The following PCDHGC4 variants were observed in gnomAD, a reference collection of about 807,000 sequenced individuals.
PCDHGC4 encodes protocadherin gamma-C4.
PCDHGC4 carries 15 observed loss-of-function variants against 59.7 expected under a neutral mutation model. That is an observed-to-expected ratio of 0.25 (90% confidence interval 0.17 to 0.39). PCDHGC4 has a LOEUF of 0.39. PCDHGC4 is among the 10% of genes least tolerant of loss of function. The probability of loss-of-function intolerance (pLI) is 1.00; values close to 1 mark genes in which losing one functional copy is unlikely to be tolerated. For missense variants in PCDHGC4, 1,016 were observed against 1,189.5 expected, an observed-to-expected ratio of 0.85 and a Z score of 2.15; for synonymous variants, 434 against 481.4, an observed-to-expected ratio of 0.90 and a Z score of 1.29.
At chr5:141,488,213 C>T (rs1261280988) in intron 1 of PCDHGC4, among the ~76,000 whole-genome samples, 1 of 152,118 alleles carries the variant, frequency 6.6e-6, no homozygotes, top group Non-Finnish European at 1.5e-5. Context: ...CATATCAAGT[C>T]CCTACTGGGG....
Position 141,490,909 on chromosome 5 carries a change from G to C in PCDHGC4, c.2442+3294G>C. ...ATCTCTGCATGTGTTTGTCCTAGAC[G>C]AGAATGATAATGCCCCAGCTGTGCT... On this transcript the variant is annotated intron_variant, in intron 1 of 3. Coordinates refer to ENST00000306593, the MANE Select transcript of PCDHGC4 (RefSeq NM_018928.3). This position sits in a 1 kb window ranked among gnomAD's most constrained non-coding sequence, Gnocchi z 5.4. 1 of 1,613,744 alleles carries C rather than the reference G, an allele frequency of 6.2e-7. No individual in the cohort carries two copies. The highest frequency in any genetic ancestry group is 2.2e-5 in the East Asian group (1 of 44,870).
chr5:141,485,654 G>A lies in PCDHGC4; in HGVS notation c.481G>A (p.Asp161Asn), dbSNP rs2099617203. 6.2e-7 allele frequency: 1 copy of A among 1,612,482 alleles called. No individual in the cohort carries two copies. The highest frequency in any genetic ancestry group is 8.5e-7 in the Non-Finnish European group (1 of 1,178,842). Residue 161 changes from aspartate (D) to asparagine (N), a missense_variant, in exon 1 of 4, where the codon GAT (aspartate) becomes AAT (asparagine). Coordinates refer to ENST00000306593, the MANE Select transcript of PCDHGC4 (RefSeq NM_018928.3). The surrounding 1 kb of genome is among the most constrained non-coding windows in gnomAD (Gnocchi z 5.7). ...CCCGTTGGAAAAGGCTCAGGATGCA[G>A]ATGTGGGGAGCAATTCGATTAGCAG... is the stretch of plus-strand genomic sequence containing the variant. Reference protein sequence around the residue: ...RFPLEKAQDADVGSNSISSYR... With the variant: ...RFPLEKAQDANVGSNSISSYR...
rs768135284 is a variant in PCDHGC4, at chr5:141,489,277, T to C, written c.2442+1662T>C. ...GACACTCCCACAGCTCGCTGGGAAA[T>C]GGCAAGTGCTGTGCATGTTGTCCTT... On this transcript the variant is annotated intron_variant, in intron 1 of 3. Transcript: ENST00000306593. This position sits in a 1 kb window ranked among gnomAD's most constrained non-coding sequence, Gnocchi z 4.5. 7.1e-6 allele frequency: 11 copies of C among 1,556,078 alleles called. No individual in the cohort carries two copies. Among genetic ancestry groups the C allele is most frequent in the South Asian group, 3.7e-5 (3 of 80,348 alleles).
At chr5:141,488,331 T>C (rs535498873) in intron 1 of PCDHGC4, among the ~76,000 whole-genome samples, 22 of 152,218 alleles carry the variant, frequency 1.4e-4, no homozygotes, top group Non-Finnish European at 3.1e-4. Context: ...TACAGTTGGC[T>C]GATTCATAGA....
Position 141,489,492 on chromosome 5 carries a change from G to C in PCDHGC4, c.2442+1877G>C. On this transcript the variant is annotated intron_variant, in intron 1 of 3. Coordinates refer to ENST00000306593, the MANE Select transcript of PCDHGC4 (RefSeq NM_018928.3). This position sits in a 1 kb window ranked among gnomAD's most constrained non-coding sequence, Gnocchi z 4.5. The stretch of plus-strand genomic sequence containing the variant: ...CCCTGAGCTTGATGAGTGGTGCCCT[G>C]GCAGTGAATCAAAAGATTGACCGAG... The C allele has an allele frequency of 6.2e-7, 1 of 1,614,042 alleles. No homozygotes were observed. The highest frequency in any genetic ancestry group is 8.5e-7 in the Non-Finnish European group (1 of 1,180,034).
Position 141,511,350 on chromosome 5 carries a change from C to G in PCDHGC4, c.*177C>G, listed in dbSNP as rs1303365585. 4.3e-6 allele frequency: 6 copies of G among 1,397,194 alleles called. No homozygotes were observed. Among genetic ancestry groups the G allele is most frequent in the East Asian group, 2.5e-5 (1 of 39,862 alleles). The allele number at this position is 1,397,194 out of a possible 1,614,324, so 86.5% of individuals were successfully genotyped here. On this transcript the variant is annotated 3_prime_UTR_variant, in exon 4 of 4. Transcript: ENST00000306593. ...CCCAGTCAGCACCTACCCCTTCCCC[C>G]CCAGGGGGTTGAATATGCAAAAGCA...
Position 141,485,210 on chromosome 5 carries a change from C to G in PCDHGC4, c.37C>G (p.Arg13Gly). 2 of 1,614,058 alleles carry G rather than the reference C, an allele frequency of 1.2e-6. No individual in the cohort carries two copies. The highest frequency in any genetic ancestry group is 1.7e-6 in the Non-Finnish European group (2 of 1,179,934). Residue 13 changes from arginine (R) to glycine (G), a missense_variant, in exon 1 of 4, where the codon CGG becomes GGG. By Grantham distance (125) the Arg-to-Gly change is moderately radical. Transcript: ENST00000306593. The surrounding 1 kb of genome is among the most constrained non-coding windows in gnomAD (Gnocchi z 5.7). ...RKVRSWTEIWRWATLLFLFYH... is the reference protein window; with the variant it reads ...RKVRSWTEIWGWATLLFLFYH... ...GGTGAGAAGCTGGACAGAAATCTGG[C>G]GGTGGGCTACCCTTTTGTTCCTCTT...
In PCDHGC4 at chr5:141,493,511, T is replaced by G. The variant is rs1203329648; in HGVS notation, c.2443-1296T>G. Among the ~76,000 whole-genome samples the G allele has an allele frequency of 6.6e-6, 1 of 152,094 alleles. No individual in the cohort carries two copies. Reference sequence around the variant, plus strand: ...TCTGTGGCTCCTCATTTCTGAGCAGTCCCCGCAGCGCAAACTTGGCCAGTT... The same window carrying G: ...TCTGTGGCTCCTCATTTCTGAGCAGGCCCCGCAGCGCAAACTTGGCCAGTT... On this transcript the variant is annotated intron_variant, in intron 1 of 3. Coordinates refer to ENST00000306593, the MANE Select transcript of PCDHGC4 (RefSeq NM_018928.3). This position sits in a 1 kb window ranked among gnomAD's most constrained non-coding sequence, Gnocchi z 4.3.
chr5:141,489,594 T>A lies in PCDHGC4; in HGVS notation c.2442+1979T>A. The A allele has an allele frequency of 2.5e-6, 4 of 1,614,076 alleles. No homozygotes were observed. Among genetic ancestry groups the A allele is most frequent in the Non-Finnish European group, 3.4e-6 (4 of 1,179,982 alleles). ...CTGAACACCCCCTGGAGCTAATCCG[T>A]GTAGAGGTAGAGATCCTGGATCTCA... On this transcript the variant is annotated intron_variant, in intron 1 of 3. Coordinates refer to ENST00000306593, the MANE Select transcript of PCDHGC4 (RefSeq NM_018928.3). This position sits in a 1 kb window ranked among gnomAD's most constrained non-coding sequence, Gnocchi z 4.5.
intron 3 of PCDHGC4, among the ~76,000 whole-genome samples, chr5:141,505,989 T>C (rs1275642739): frequency 6.6e-6 from 1 of 152,136 alleles, no homozygotes; most frequent in Non-Finnish European, 1.5e-5. Context: ...ACACCTCCTC[T>C]TTATGCGAGG....
chr5:141,495,465 G>T (rs563411010), intron 2 of PCDHGC4, among the ~76,000 whole-genome samples: 11 of 152,298 alleles, frequency 7.2e-5, no homozygotes, highest in African/African-American at 2.4e-4. Flanking sequence ...TGTCTGTGGG[G>T]TCTCCGTGTC....
rs561908431 is a variant in PCDHGC4, at chr5:141,510,639, TATC to T, written c.2591-304_2591-302del. Among the ~76,000 whole-genome samples the T allele has an allele frequency of 8.5e-3, 1,289 of 152,298 alleles. 6 individuals carry two copies. Among genetic ancestry groups the T allele is most frequent in the Middle Eastern group, 0.058 (17 of 294 alleles). On this transcript the variant is annotated intron_variant, in intron 3 of 3. Transcript: ENST00000306593. ...TAAAACCAGAAGAGGTGGTTACCAT[TATC>T]ATCCCCATTTTGCAGATGAGAAAAC...
intron 3 of PCDHGC4, among the ~76,000 whole-genome samples, chr5:141,506,781 T>C (rs965408564): frequency 1.4e-4 from 22 of 152,168 alleles, no homozygotes; most frequent in African/African-American, 5.3e-4. Context: ...CCTGGGCTTA[T>C]AAGGAGGCTG....
At chr5:141,506,164 G>A (rs959032250) in intron 3 of PCDHGC4, among the ~76,000 whole-genome samples, 17 of 152,140 alleles carry the variant, frequency 1.1e-4, no homozygotes, top group Non-Finnish European at 2.4e-4. Context: ...TAAGAGCACA[G>A]CCTAAGCTGG....
chr5:141,486,271 C>T lies in PCDHGC4; in HGVS notation c.1098C>T (p.Gly366=). 1 of 1,614,086 alleles carries T rather than the reference C, an allele frequency of 6.2e-7. No homozygotes were observed. Among genetic ancestry groups the T allele is most frequent in the Non-Finnish European group, 8.5e-7 (1 of 1,179,994 alleles). ...CCCTCCCCGAGAGTGCAGAACCTGG[C>T]ACTGTGGTGGCACTTATCAGTGTGC... ...LGTLPESAEP[G]TVVALISVQD... is the part of the protein sequence containing the mutation. The change falls in exon 1 of 4, where the codon GGC becomes GGT. Residue 366 remains glycine, a synonymous_variant. Coordinates refer to ENST00000306593, the MANE Select transcript of PCDHGC4 (RefSeq NM_018928.3). The surrounding 1 kb of genome is among the most constrained non-coding windows in gnomAD (Gnocchi z 5.0).
At chr5:141,506,805 G>A (rs1314432893) in intron 3 of PCDHGC4, among the ~76,000 whole-genome samples, 1 of 152,172 alleles carries the variant, frequency 6.6e-6, no homozygotes, top group African/African-American at 2.4e-5. Flanking sequence ...GAGGATCAAG[G>A]CATTGCCCTA....
Position 141,489,829 on chromosome 5 carries a change from G to T in PCDHGC4, c.2442+2214G>T, listed in dbSNP as rs1445416879. 6.2e-7 allele frequency: 1 copy of T among 1,614,076 alleles called. No individual in the cohort carries two copies. Among genetic ancestry groups the T allele is most frequent in the South Asian group, 1.1e-5 (1 of 91,070 alleles). ...GAAGCCATTCCCAGAGCTGGTGCTA[G>T]AGCAGCAGCTGGATCGTGAAGCCCA... On this transcript the variant is annotated intron_variant, in intron 1 of 3. Coordinates refer to ENST00000306593, the MANE Select transcript of PCDHGC4 (RefSeq NM_018928.3). The surrounding 1 kb of genome is among the most constrained non-coding windows in gnomAD (Gnocchi z 4.5).
chr5:141,510,984 C>G lies in PCDHGC4; in HGVS notation c.2628C>G (p.Ala876=). ...ADGSSTLGGG[A]GTMGLSARYG... ...GGAGCTCCACCCTGGGAGGGGGTGC[C>G]GGCACCATGGGATTGAGCGCCCGCT... The change falls in exon 4 of 4, where the codon GCC becomes GCG. Residue 876 remains alanine (A), a synonymous_variant. Transcript: ENST00000306593. The G allele has an allele frequency of 1.2e-6, 2 of 1,614,162 alleles. No homozygotes were observed. The highest frequency in any genetic ancestry group is 1.7e-6 in the Non-Finnish European group (2 of 1,180,012).
chr5:141,494,782 C>T, intron 1 of PCDHGC4, 25 bp from the exon 2 acceptor site: 1 of 1,614,110 alleles, frequency 6.2e-7, no homozygotes. Context: ...GGTACTCAGC[C>T]CCTTTCCCTC....
Sources: allele counts gnomAD v4.1 joint callset (sites outside exome capture counted in the v4.1 genomes callset), GRCh38; gene constraint gnomAD v4.1.1; non-coding constraint Gnocchi (gnomAD v3.1); transcripts MANE v1.5; gene names NCBI Gene and HGNC (gene_info 2026-07-23, HGNC 2026-07-21).